Variants in MROH1 observed in about 807,000 individuals in gnomAD.
MROH1 encodes the protein maestro heat-like repeat-containing protein family member 1.
Under a neutral mutation model 116.5 loss-of-function variants are expected in MROH1, and 117 were observed. The observed-to-expected ratio is 1.00, with a 90% confidence interval of 0.86 to 1.17. The LOEUF is 1.17. Among genes scored for constraint, MROH1 ranks in the 50% most tolerant of loss-of-function variants. The probability of loss-of-function intolerance (pLI) is 0.00; values close to 1 mark genes in which losing one functional copy is unlikely to be tolerated. For synonymous variants in MROH1, 921 were observed against 583.9 expected, an observed-to-expected ratio of 1.58 and a Z score of -8.32; for missense variants, 1,873 against 1,338.5, an observed-to-expected ratio of 1.40 and a Z score of -6.23.
intron 1 of MROH1, among the ~76,000 whole-genome samples, chr8:144,155,876 A>ATCTGCC (rs1298532336): frequency 5.9e-5 from 9 of 151,612 alleles, no homozygotes; most frequent in African/African-American, 1.9e-4. Flanking sequence ...CAAGTGATCC[A>ATCTGCC]TCTGCCTCAG....
Position 144,174,002 on chromosome 8 carries a change from G to T in MROH1, c.169-5453G>T, listed in dbSNP as rs181462682. Reference sequence around the variant, plus strand: ...GACAGGTCATGTTCCCCAAAGTCAGGCTGTCTCTTCGCCCAAGTTAGGCCA... The same window carrying T: ...GACAGGTCATGTTCCCCAAAGTCAGTCTGTCTCTTCGCCCAAGTTAGGCCA... On this transcript the variant is annotated intron_variant, in intron 4 of 43. Transcript: ENST00000326134. Among the ~76,000 whole-genome samples, 89 of 152,230 alleles carry T rather than the reference G, an allele frequency of 5.8e-4. No individual in the cohort carries two copies. In the East Asian group the frequency reaches 0.012, roughly 21 times the overall value.
intron 33 of MROH1, among the ~76,000 whole-genome samples, chr8:144,253,176 CT>C (rs1322669541): frequency 6.6e-6 from 1 of 151,902 alleles, no homozygotes; most frequent in Non-Finnish European, 1.5e-5. Flanking sequence ...AGTGGAGTCA[CT>C]GTGGCCATCT....
intron 7 of MROH1, among the ~76,000 whole-genome samples, chr8:144,189,423 A>T (rs1484117827): frequency 6.6e-6 from 1 of 152,082 alleles, no homozygotes; most frequent in East Asian, 1.9e-4. Context: ...CCCGGGGCCC[A>T]GCCCCACTGA....
intron 7 of MROH1, among the ~76,000 whole-genome samples, chr8:144,181,236 G>A (rs972341952): frequency 3.7e-5 from 5 of 134,018 alleles, no homozygotes; most frequent in Non-Finnish European, 6.2e-5. Flanking sequence ...GCCCTCTGGG[G>A]CCGGGGGCCG....
chr8:144,230,531 T>C (rs567886166), intron 14 of MROH1, among the ~76,000 whole-genome samples: 15 of 152,110 alleles, frequency 9.9e-5, no homozygotes, highest in Admixed American at 7.9e-4. Context: ...TCTTTTAATA[T>C]GCTGTTGAAT....
At chr8:144,217,551 G>A (rs142381824) in intron 12 of MROH1, among the ~76,000 whole-genome samples, 8 of 152,254 alleles carry the variant, frequency 5.3e-5, no homozygotes, top group Non-Finnish European at 1.2e-4. Flanking sequence ...GCCCCTCCAC[G>A]GCAGTCACTG....
chr8:144,258,447 G>A lies in MROH1; in HGVS notation c.3792-330G>A, dbSNP rs1032590957. Reference sequence around the variant, plus strand: ...GGGGTGGGGGGCACCTGTGGTGTGGGTGCCCAGCAGCGTCTGGGTGTCCGG... The same window carrying A: ...GGGGTGGGGGGCACCTGTGGTGTGGATGCCCAGCAGCGTCTGGGTGTCCGG... On this transcript the variant is annotated intron_variant, in intron 35 of 43. Transcript: ENST00000326134. 2.8e-4 allele frequency among the ~76,000 whole-genome samples: 43 copies of A among 152,316 alleles called. No homozygotes were observed. The East Asian group carries it at 7.1e-3, about 25-fold the overall frequency.
At chr8:144,242,759 C>G in intron 24 of MROH1, 131 bp downstream of exon 24, 2 of 686,962 alleles carry the variant, frequency 2.9e-6, no homozygotes, top group Non-Finnish European at 5.4e-6. Flanking sequence ...TCTCCGTCCC[C>G]AGGAGGCGTT....
chr8:144,179,404 G>A (rs923820452), intron 4 of MROH1, 51 bp from the exon 5 acceptor site: 1 of 1,602,662 alleles, frequency 6.2e-7, no homozygotes, highest in Non-Finnish European at 8.5e-7. Context: ...CACTCAGAGT[G>A]TCTGGGTGTG....
At chr8:144,150,549 C>A (rs984161005) in intron 1 of MROH1, among the ~76,000 whole-genome samples, 2 of 152,244 alleles carry the variant, frequency 1.3e-5, no homozygotes. Context: ...GTCCTCAGCA[C>A]GTCAGATGCT....
At chr8:144,179,060 G>A (rs1017637285) in intron 4 of MROH1, among the ~76,000 whole-genome samples, 1 of 152,022 alleles carries the variant, frequency 6.6e-6, no homozygotes, top group Non-Finnish European at 1.5e-5. Flanking sequence ...CTAGCCTAGC[G>A]GCAGAGACTG....
At chr8:144,259,049 TCTGGGGCAGGG>T in intron 36 of MROH1, 135 bp downstream of exon 36, 2 of 645,090 alleles carry the variant, frequency 3.1e-6, no homozygotes, top group Non-Finnish European at 5.6e-6. Context: ...CTGTTCACTC[TCTGGGGCAGGG>T]GTAGGGAGGC....
At chr8:144,191,389 T>C (rs1047177140) in intron 8 of MROH1, among the ~76,000 whole-genome samples, 3 of 152,140 alleles carry the variant, frequency 2.0e-5, no homozygotes, top group African/African-American at 7.2e-5. Flanking sequence ...CTGCCACACC[T>C]GCACAGGGCC....
intron 12 of MROH1, among the ~76,000 whole-genome samples, chr8:144,218,992 C>A (rs758276759): frequency 7.3e-6 from 1 of 137,094 alleles, no homozygotes; most frequent in African/African-American, 2.9e-5. Context: ...GCACTACTAC[C>A]CTTAGCTAAT....
chr8:144,219,721 C>T (rs989749410), intron 12 of MROH1, among the ~76,000 whole-genome samples: 1 of 152,182 alleles, frequency 6.6e-6, no homozygotes, highest in Non-Finnish European at 1.5e-5. Context: ...CACTAAATGC[C>T]AGCTCAGAGC....
intron 7 of MROH1, among the ~76,000 whole-genome samples, chr8:144,185,061 T>C (rs2131439057): frequency 6.6e-6 from 1 of 152,274 alleles, no homozygotes; most frequent in South Asian, 2.1e-4. Flanking sequence ...GGCAGCCTCT[T>C]GCCCTTTTCT....
In MROH1 at chr8:144,200,477, C is replaced by T. The variant is rs368147849; in HGVS notation, c.1077C>T (p.Asp359=). 80 of 1,551,862 alleles carry T rather than the reference C, an allele frequency of 5.2e-5. No homozygotes were observed. The highest frequency in any genetic ancestry group is 7.3e-5 in the East Asian group (3 of 41,050). The part of the protein sequence containing the change: ...RLLAFLLPRL[D]TSNERTRVGT... ...TGGCCTTCCTGCTGCCCAGGCTGGA[C>T]ACCAGCAATGAGAGGACCCGCGTGG... Residue 359 remains aspartate (D), a synonymous_variant, in exon 12 of 44, where the codon GAC becomes GAT. Transcript: ENST00000326134.
intron 1 of MROH1, among the ~76,000 whole-genome samples, chr8:144,158,768 G>A (rs1818787221): frequency 6.6e-6 from 1 of 151,378 alleles, no homozygotes; most frequent in African/African-American, 2.4e-5. Flanking sequence ...TTTAGCGACA[G>A]GGTCTCACTC....
rs1828119937 is a variant in MROH1, at chr8:144,189,839, G to A, written c.563-945G>A. On this transcript the variant is annotated intron_variant, in intron 7 of 43. Transcript: ENST00000326134. ...TGGCACTGCTCCTCTTGTCTCTGTG[G>A]CAGACTGGAGTGGGCAGGAACTTGT... 3.3e-5 allele frequency among the ~76,000 whole-genome samples: 5 copies of A among 152,252 alleles called. No individual in the cohort carries two copies. The South Asian group carries it at 1.0e-3, about 31-fold the overall frequency.
Sources: allele counts gnomAD v4.1 joint callset (sites outside exome capture counted in the v4.1 genomes callset), GRCh38; gene constraint gnomAD v4.1.1; transcripts MANE v1.5; gene names NCBI Gene and HGNC (gene_info 2026-07-23, HGNC 2026-07-21).